PITPNB: variants seen among roughly 807,000 people sequenced by gnomAD.
PITPNB encodes phosphatidylinositol transfer protein beta isoform.
In PITPNB, 16 loss-of-function variants were observed where a neutral mutation model predicts 45.9. That is an observed-to-expected ratio of 0.35 (90% CI 0.24 to 0.53). The LOEUF (loss-of-function observed/expected upper bound fraction) is 0.53. Among genes scored for constraint, PITPNB ranks in the 20% least tolerant of loss-of-function variants. PITPNB has a pLI of 0.93. For missense variants in PITPNB, 188 were observed against 330.5 expected, an observed-to-expected ratio of 0.57 and a Z score of 3.34; for synonymous variants, 112 against 108.9, an observed-to-expected ratio of 1.03 and a Z score of -0.18.
intron 8 of PITPNB, among the ~76,000 whole-genome samples, chr22:27,872,677 A>G (rs548363631): frequency 3.9e-5 from 6 of 152,182 alleles, no homozygotes; most frequent in Non-Finnish European, 7.3e-5. Context: ...TCTGCATGCA[A>G]CTAGTACCTA....
chr22:27,902,933 A>G (rs1436694823), intron 3 of PITPNB, among the ~76,000 whole-genome samples: 1 of 152,046 alleles, frequency 6.6e-6, no homozygotes, highest in Non-Finnish European at 1.5e-5. Context: ...GTTTTGCTAT[A>G]TTGCCCGGGC....
At chr22:27,914,454 T>C in intron 1 of PITPNB, 107 bp from the exon 2 acceptor site, 3 of 662,694 alleles carry the variant, frequency 4.5e-6, no homozygotes. Flanking sequence ...GACAGGTCTC[T>C]TAAATCAAAA....
intron 1 of PITPNB, among the ~76,000 whole-genome samples, chr22:27,916,873 T>A (rs1247447511): frequency 6.6e-6 from 1 of 152,206 alleles, no homozygotes; most frequent in Non-Finnish European, 1.5e-5. Context: ...GTTACCAATA[T>A]CTTCACATAG....
chr22:27,897,769 G>C, intron 4 of PITPNB, 32 bp downstream of exon 4: 1 of 1,345,420 alleles, frequency 7.4e-7, no homozygotes, highest in Non-Finnish European at 1.1e-6. Flanking sequence ...TCAGGGTGGA[G>C]GGGTGCAATG....
chr22:27,870,960 C>T (rs1934641887), intron 8 of PITPNB, among the ~76,000 whole-genome samples: 1 of 152,168 alleles, frequency 6.6e-6, no homozygotes, highest in South Asian at 2.1e-4. Context: ...GCTGGATACA[C>T]CATCATCTGG....
At chr22:27,903,716 C>T (rs180727540) in intron 3 of PITPNB, among the ~76,000 whole-genome samples, 1 of 135,892 alleles carries the variant, frequency 7.4e-6, no homozygotes, top group Non-Finnish European at 1.5e-5. Context: ...TTCAAGGCTA[C>T]AGTGAGCTAT....
At chr22:27,896,147 G>GC (rs1273073636) in intron 6 of PITPNB, among the ~76,000 whole-genome samples, 3 of 152,138 alleles carry the variant, frequency 2.0e-5, no homozygotes, top group Non-Finnish European at 4.4e-5. Context: ...TCTAACATGA[G>GC]CCCATACCCT....
At chr22:27,874,004 T>A (rs1934746300) in intron 7 of PITPNB, among the ~76,000 whole-genome samples, 189 bp from the exon 8 acceptor site, 1 of 152,234 alleles carries the variant, frequency 6.6e-6, no homozygotes, top group Non-Finnish European at 1.5e-5. Flanking sequence ...TGCTTTAAAC[T>A]TTTACCTTGG....
chr22:27,853,737 AC>A, intron 11 of PITPNB, 74 bp from the exon 12 acceptor site: 1 of 1,020,782 alleles, frequency 9.8e-7, no homozygotes, highest in Admixed American at 2.0e-5. Context: ...CTCGTCACAC[AC>A]ACTCTCCAAA....
rs529668998 is a variant in PITPNB at position 27,901,689 on chromosome 22, G to A, written c.198-3797C>T. On this transcript the variant is annotated intron_variant, in intron 3 of 11. Coordinates refer to ENST00000335272, the MANE Select transcript of PITPNB (RefSeq NM_012399.5). ...ACCTGAGGTTGGGAGTTCGAGACCA[G>A]CCTGGCCAACATGATGAAACCCTGT... Among the ~76,000 whole-genome samples the A allele has an allele frequency of 3.3e-5, 5 of 152,194 alleles. No individual in the cohort carries two copies. The South Asian group carries it at 1.0e-3, about 32-fold the overall frequency.
intron 7 of PITPNB, among the ~76,000 whole-genome samples, chr22:27,881,014 C>T (rs550491408): frequency 3.9e-5 from 6 of 152,250 alleles, no homozygotes; most frequent in South Asian, 2.1e-4. Flanking sequence ...ACCATGCCTT[C>T]GAATATAGTG....
rs1470500718 is a variant in PITPNB, at chr22:27,897,131, G to A, written c.296C>T (p.Thr99Met). 8 of 1,570,008 alleles carry A rather than the reference G, an allele frequency of 5.1e-6. No individual in the cohort carries two copies. Among genetic ancestry groups the A allele is most frequent in the Non-Finnish European group, 5.3e-6 (6 of 1,139,712 alleles). ...NAYPYCRTIV[T>M]NEYMKDDFFI... is the part of the protein sequence containing the mutation. ...AGACACAAAAATAGTTTTACTCACC[G>A]TTACAACTGAGGCATAATGGAGAGG... The change falls in exon 5 of 12, where the codon ACG becomes ATG. Residue 99 changes from threonine to methionine, a missense_variant and splice_region_variant. Physicochemically the swap from Thr to Met is moderately conservative, Grantham distance 81. Transcript: ENST00000335272.
At chr22:27,871,223 T>C (rs1306644045) in intron 8 of PITPNB, among the ~76,000 whole-genome samples, 1 of 152,204 alleles carries the variant, frequency 6.6e-6, no homozygotes, top group Non-Finnish European at 1.5e-5. Flanking sequence ...CCTAAAAAGT[T>C]AGAAATCAGT....
chr22:27,891,532 A>G (rs1935279198), intron 7 of PITPNB, among the ~76,000 whole-genome samples: 1 of 152,126 alleles, frequency 6.6e-6, no homozygotes, highest in South Asian at 2.1e-4. Flanking sequence ...CTCATCTCAA[A>G]TTGTAATTAA....
intron 7 of PITPNB, among the ~76,000 whole-genome samples, chr22:27,876,889 C>A (rs2146370893): frequency 6.6e-6 from 1 of 152,322 alleles, no homozygotes; most frequent in South Asian, 2.1e-4. Flanking sequence ...AGGGGAGGCT[C>A]TGATGAAGAG....
At chr22:27,903,916 A>C (rs1483335211) in intron 3 of PITPNB, among the ~76,000 whole-genome samples, 1 of 152,226 alleles carries the variant, frequency 6.6e-6, no homozygotes, top group East Asian at 1.9e-4. Context: ...AGAAAATGCA[A>C]ATCAAAACCA....
intron 7 of PITPNB, among the ~76,000 whole-genome samples, chr22:27,876,597 A>C (rs1283804339): frequency 6.6e-6 from 1 of 152,200 alleles, no homozygotes; most frequent in Admixed American, 6.5e-5. Context: ...GCTTTTTAAC[A>C]ACCTCAGTTT....
In PITPNB at chr22:27,873,750, T is replaced by C; in HGVS notation, c.522A>G (p.Gly174=). ...CAGCATCCAGTACCTTCCAGTTGGG[T>C]CCCAAAGGGCCTCTCTTGGTCTTGA... The part of the protein sequence containing the change: ...QSVKTKRGPL[G]PNWKKELANS... The change falls in exon 8 of 12, where the codon GGA becomes GGG. Residue 174 remains glycine (G), a synonymous_variant. Coordinates refer to ENST00000335272, the MANE Select transcript of PITPNB (RefSeq NM_012399.5). 1 of 1,608,456 alleles carries C rather than the reference T, an allele frequency of 6.2e-7. No homozygotes were observed. Among genetic ancestry groups the C allele is most frequent in the Non-Finnish European group, 8.5e-7 (1 of 1,174,858 alleles).
In PITPNB at chr22:27,919,244, T is replaced by G; in HGVS notation, c.-53A>C. 1.3e-6 allele frequency: 2 copies of G among 1,506,142 alleles called. No individual in the cohort carries two copies. The highest frequency in any genetic ancestry group is 1.1e-5 in the South Asian group (1 of 89,042). 93.3% of individuals were successfully genotyped at this position (1,506,142 alleles called of 1,614,324 possible). A position where few individuals can be genotyped will look rare whatever the true frequency, so the allele number is the denominator to read the frequency against. On this transcript the variant is annotated 5_prime_UTR_variant, in exon 1 of 12. Coordinates refer to ENST00000335272, the MANE Select transcript of PITPNB (RefSeq NM_012399.5). Reference sequence around the variant, plus strand: ...CCGATACCACCGCCGCCGCCGCCGCTACCGCCTCTCACAGCGCCTGCGCGG... The same window carrying G: ...CCGATACCACCGCCGCCGCCGCCGCGACCGCCTCTCACAGCGCCTGCGCGG...
Sources: allele counts gnomAD v4.1 joint callset (sites outside exome capture counted in the v4.1 genomes callset), GRCh38; gene constraint gnomAD v4.1.1; transcripts MANE v1.5; gene names NCBI Gene and HGNC (gene_info 2026-07-23, HGNC 2026-07-21).